The following ASAP2 variants were observed in gnomAD, a reference collection of about 807,000 sequenced individuals.
The protein encoded by ASAP2 is ArfGAP with SH3 domain, ankyrin repeat and PH domain 2, also known as arf-GAP with SH3 domain, ANK repeat and PH domain-containing protein 2.
ASAP2 carries 45 observed loss-of-function variants against 131.4 expected under a neutral mutation model. That is an observed-to-expected ratio of 0.34 (90% confidence interval 0.27 to 0.44). The LOEUF (loss-of-function observed/expected upper bound fraction) is 0.44. ASAP2 is among the 20% of genes least tolerant of loss of function. ASAP2 has a pLI of 1.00. For missense variants in ASAP2, 1,011 were observed against 1,297.0 expected, an observed-to-expected ratio of 0.78 and a Z score of 3.39; for synonymous variants, 510 against 503.0, an observed-to-expected ratio of 1.01 and a Z score of -0.19.
At chr2:9,250,143 A>G (rs1249312064) in intron 1 of ASAP2, among the ~76,000 whole-genome samples, 2 of 152,214 alleles carry the variant, frequency 1.3e-5, no homozygotes, top group African/African-American at 4.8e-5. Flanking sequence ...AATACCCATG[A>G]TCTCCTTGGG....
At chr2:9,235,143 C>G (rs754166942) in intron 1 of ASAP2, among the ~76,000 whole-genome samples, 1 of 152,082 alleles carries the variant, frequency 6.6e-6, no homozygotes, top group Non-Finnish European at 1.5e-5. Context: ...CTGTTGTAGG[C>G]GGGGATCTGT....
chr2:9,350,083 T>C (rs1672234310), intron 11 of ASAP2, among the ~76,000 whole-genome samples: 1 of 152,250 alleles, frequency 6.6e-6, no homozygotes, highest in Admixed American at 6.5e-5. Flanking sequence ...AATTATCTTC[T>C]TACCCTCAGT....
intron 2 of ASAP2, among the ~76,000 whole-genome samples, chr2:9,295,012 A>G (rs17673165): frequency 0.21 from 31,716 of 152,136 alleles, 3,614 homozygotes; most frequent in Non-Finnish European, 0.27. Flanking sequence ...CTTGACCGCT[A>G]ATTTTGAGAT....
intron 11 of ASAP2, among the ~76,000 whole-genome samples, chr2:9,346,355 A>G (rs968823813): frequency 4.0e-5 from 6 of 151,848 alleles, no homozygotes; most frequent in Admixed American, 3.9e-4. Context: ...AGAATTGCTT[A>G]AACGCAGGAG....
chr2:9,279,368 G>A lies in ASAP2; in HGVS notation c.178G>A (p.Ala60Thr), dbSNP rs758302722. Residue 60 changes from alanine to threonine, a missense_variant, in exon 2 of 28, where the codon GCA (alanine) becomes ACA (threonine). Ala to Thr is a moderately conservative substitution (Grantham distance 58). This residue lies in a region of ASAP2 where 359 missense variants were observed against 598.1 expected (regional missense o/e 0.60). Transcript: ENST00000281419. Reference sequence around the variant, plus strand: ...TTACAAAATGAAGAAATCCGTGAAAGCAATCAACAGCTCTGGGCTGGGTGA... The same window carrying A: ...TTACAAAATGAAGAAATCCGTGAAAACAATCAACAGCTCTGGGCTGGGTGA... ...VLYKMKKSVK[A>T]INSSGLAHVE... 3 of 1,614,162 alleles carry A rather than the reference G, an allele frequency of 1.9e-6. No homozygotes were observed. The highest frequency in any genetic ancestry group is 2.5e-6 in the Non-Finnish European group (3 of 1,180,004).
intron 21 of ASAP2, among the ~76,000 whole-genome samples, chr2:9,386,111 AAT>A (rs1675242123): frequency 6.6e-6 from 1 of 151,344 alleles, no homozygotes; most frequent in Non-Finnish European, 1.5e-5. Context: ...ATTAGTGGCA[AAT>A]GCCACATTAA....
intron 9 of ASAP2, among the ~76,000 whole-genome samples, chr2:9,337,420 A>G (rs1042405743): frequency 6.6e-6 from 1 of 152,210 alleles, no homozygotes. Context: ...TGCAATAAGA[A>G]TTGATCATTT....
intron 15 of ASAP2, among the ~76,000 whole-genome samples, chr2:9,367,665 G>A (rs1352030033): frequency 6.6e-6 from 1 of 152,108 alleles, no homozygotes; most frequent in Non-Finnish European, 1.5e-5. Flanking sequence ...GGAACCTGAG[G>A]TAGGAGGGTC....
chr2:9,385,009 G>A (rs1008794148), intron 20 of ASAP2, among the ~76,000 whole-genome samples: 2 of 152,240 alleles, frequency 1.3e-5, no homozygotes, highest in African/African-American at 4.8e-5. Flanking sequence ...TACGAGCCGG[G>A]AACTGTGGAT....
At chr2:9,377,087 C>T in intron 18 of ASAP2, 94 bp downstream of exon 18, 1 of 1,099,148 alleles carries the variant, frequency 9.1e-7, no homozygotes, top group Non-Finnish European at 1.4e-6. Context: ...GATGTGTTGT[C>T]AGGAGAACCT....
At chr2:9,214,051 T>C (rs986100643) in intron 1 of ASAP2, among the ~76,000 whole-genome samples, 35 of 152,208 alleles carry the variant, frequency 2.3e-4, no homozygotes, top group African/African-American at 6.0e-4. Flanking sequence ...GTGATACTTA[T>C]GGGCATTGTC....
intron 1 of ASAP2, among the ~76,000 whole-genome samples, chr2:9,225,410 G>C (rs1662688415): frequency 6.6e-6 from 1 of 152,122 alleles, no homozygotes; most frequent in Non-Finnish European, 1.5e-5. Flanking sequence ...TGGTGACCCA[G>C]GGACCTGCTG....
In ASAP2 at chr2:9,393,582, G is replaced by A. The variant is rs141123652; in HGVS notation, c.2619G>A (p.Gln873=). 3.6e-5 allele frequency: 57 copies of A among 1,596,910 alleles called. No homozygotes were observed. Among genetic ancestry groups the A allele is most frequent in the Middle Eastern group, 1.7e-4 (1 of 5,996 alleles). The change falls in exon 24 of 28, where the codon CAG becomes CAA. Residue 873 remains glutamine, a synonymous_variant. Transcript: ENST00000281419. The part of the protein sequence containing the change: ...PSKPAPPGIS[Q]IRPPPLPPQP... ...AGCCTGCCCCGCCTGGGATCTCACA[G>A]ATCAGGCCCCCACCTCTGCCCCCAC...
At chr2:9,231,778 C>T (rs1308304388) in intron 1 of ASAP2, among the ~76,000 whole-genome samples, 3 of 152,316 alleles carry the variant, frequency 2.0e-5, no homozygotes, top group Admixed American at 6.5e-5. Context: ...CTCTCTGTGC[C>T]GTCTCGCATG....
chr2:9,374,610 C>A (rs1276828298), intron 16 of ASAP2, 145 bp from the exon 17 acceptor site: 1 of 714,978 alleles, frequency 1.4e-6, no homozygotes, highest in Non-Finnish European at 2.2e-6. Context: ...AACCACATGG[C>A]GGCCACTCCC....
At chr2:9,398,615 CTGGCCCACA>C (rs1676375447) in intron 24 of ASAP2, among the ~76,000 whole-genome samples, 1 of 152,078 alleles carries the variant, frequency 6.6e-6, no homozygotes, top group East Asian at 1.9e-4. Flanking sequence ...TGAGACCAGC[CTGGCCCACA>C]TGGTGAAACC....
chr2:9,362,682 A>G (rs1244324699), intron 15 of ASAP2, among the ~76,000 whole-genome samples: 1 of 151,994 alleles, frequency 6.6e-6, no homozygotes, highest in Non-Finnish European at 1.5e-5. Context: ...TCTACAAATA[A>G]TTTTTTAAAA....
At chr2:9,291,402 G>C (rs982006336) in intron 2 of ASAP2, among the ~76,000 whole-genome samples, 2 of 152,188 alleles carry the variant, frequency 1.3e-5, no homozygotes, top group African/African-American at 4.8e-5. Context: ...AAGAAACAGG[G>C]ATGATGTTTG....
At chr2:9,323,635 C>G (rs1670295971) in intron 6 of ASAP2, among the ~76,000 whole-genome samples, 2 of 152,182 alleles carry the variant, frequency 1.3e-5, no homozygotes. Flanking sequence ...AAACAACATA[C>G]AGCGATGACA....
Sources: allele counts gnomAD v4.1 joint callset (sites outside exome capture counted in the v4.1 genomes callset), GRCh38; gene constraint gnomAD v4.1.1; regional missense constraint gnomAD v4.1.1; transcripts MANE v1.5; gene names NCBI Gene and HGNC (gene_info 2026-07-23, HGNC 2026-07-21).